Variants in DCN observed in about 807,000 individuals in gnomAD.
DCN encodes bone proteoglycan II.
In DCN, 17 loss-of-function variants were observed where a neutral mutation model predicts 36.5. The observed-to-expected ratio is 0.47, with a 90% CI of 0.32 to 0.70. The LOEUF (loss-of-function observed/expected upper bound fraction) is 0.70. Among genes scored for constraint, DCN ranks in the 30% least tolerant of loss-of-function variants. The pLI is 0.04. For missense variants in DCN, 389 were observed against 430.1 expected, an observed-to-expected ratio of 0.90 and a Z score of 0.84; for synonymous variants, 163 against 161.4, an observed-to-expected ratio of 1.01 and a Z score of -0.07.
Position 91,145,979 on chromosome 12 carries a change from T to G in DCN, c.*79A>C, listed in dbSNP as rs1471506424. The stretch of plus-strand genomic sequence containing the variant: ...ATCCACATTGCAGTTAGGTTTCCAG[T>G]ATCTAGCTTTTATTTATTTTTTAGC... On this transcript the variant is annotated 3_prime_UTR_variant, in exon 8 of 8. Transcript: ENST00000052754. 8.2e-7 allele frequency: 1 copy of G among 1,225,678 alleles called. No homozygotes were observed. The highest frequency in any genetic ancestry group is 1.5e-5 in the African/African-American group (1 of 67,074). 75.9% of individuals were successfully genotyped at this position (1,225,678 alleles called of 1,614,324 possible).
chr12:91,159,836 TAAAA>T (rs1193028173), intron 3 of DCN, among the ~76,000 whole-genome samples: 1 of 152,082 alleles, frequency 6.6e-6, no homozygotes, highest in Non-Finnish European at 1.5e-5. Flanking sequence ...ATAAGGAACT[TAAAA>T]TAACTTATTA....
At chr12:91,151,439 C>A in intron 7 of DCN, 1 of 558,278 alleles carries the variant, frequency 1.8e-6, no homozygotes. Context: ...GTTTCATCTC[C>A]ATACTTCTAA....
chr12:91,170,335 A>AC (rs1361032243), intron 2 of DCN, among the ~76,000 whole-genome samples: 16 of 152,148 alleles, frequency 1.1e-4, no homozygotes, highest in African/African-American at 3.6e-4. Flanking sequence ...ATTACTATGC[A>AC]TATTATCCTA....
chr12:91,158,594 C>A, intron 3 of DCN, 85 bp from the exon 4 acceptor site: 1 of 798,732 alleles, frequency 1.3e-6, no homozygotes. Context: ...TCATTCCATT[C>A]ATAGGGATAG....
chr12:91,155,062 C>T (rs574293678), intron 5 of DCN, among the ~76,000 whole-genome samples: 2 of 152,162 alleles, frequency 1.3e-5, no homozygotes, highest in African/African-American at 4.8e-5. Context: ...GCATAGGTAT[C>T]CCAGCCTAAG....
intron 2 of DCN, among the ~76,000 whole-genome samples, chr12:91,174,268 G>A (rs780430982): frequency 1.3e-5 from 2 of 152,040 alleles, no homozygotes; most frequent in Non-Finnish European, 2.9e-5. Context: ...CCTCTTTAGA[G>A]AGGTGGAGAG....
chr12:91,171,314 A>G (rs568224754), intron 2 of DCN, among the ~76,000 whole-genome samples: 3 of 152,334 alleles, frequency 2.0e-5, no homozygotes, highest in South Asian at 2.1e-4. Context: ...TACATAATAC[A>G]TAATTATGCT....
chr12:91,151,589 C>T lies in DCN; in HGVS notation c.885+65G>A, dbSNP rs1192959386. 1.1e-5 allele frequency: 17 copies of T among 1,596,744 alleles called. No individual in the cohort carries two copies. In the East Asian group the frequency reaches 2.9e-4, roughly 27 times the overall value. On this transcript the variant is annotated intron_variant, in intron 7 of 7. Coordinates refer to ENST00000052754, the MANE Select transcript of DCN (RefSeq NM_001920.5). The stretch of plus-strand genomic sequence containing the variant: ...AGAAGAGCTTCCTGCTTCCCAGCAT[C>T]CCATAAGCAGGGTGGGGGTCTTGCT...
At chr12:91,148,114 T>C (rs1881150863) in intron 7 of DCN, among the ~76,000 whole-genome samples, 1 of 151,188 alleles carries the variant, frequency 6.6e-6, no homozygotes, top group Admixed American at 6.6e-5. Flanking sequence ...CGCGCTGTTA[T>C]CCAGGCTGAA....
intron 5 of DCN, among the ~76,000 whole-genome samples, chr12:91,154,039 C>T (rs1458364061): frequency 6.6e-6 from 1 of 151,942 alleles, no homozygotes; most frequent in Non-Finnish European, 1.5e-5. Flanking sequence ...GAGAAAATAG[C>T]AAATTGGTTA....
chr12:91,152,977 CA>C, intron 6 of DCN, 118 bp downstream of exon 6: 1 of 689,094 alleles, frequency 1.5e-6, no homozygotes, highest in Non-Finnish European at 2.7e-6. Context: ...ATAGAAACAA[CA>C]ACAGCAGTGA....
At chr12:91,151,517 T>C in intron 7 of DCN, 137 bp downstream of exon 7, 1 of 895,088 alleles carries the variant, frequency 1.1e-6, no homozygotes, top group Non-Finnish European at 1.8e-6. Context: ...TTTATGGTAT[T>C]TTGTCATAGA....
intron 5 of DCN, among the ~76,000 whole-genome samples, chr12:91,156,634 C>G (rs1881791874): frequency 6.6e-6 from 1 of 151,830 alleles, no homozygotes; most frequent in African/African-American, 2.4e-5. Flanking sequence ...AAAAAAAATT[C>G]CCTAAGCTAT....
chr12:91,153,919 T>C (rs3138257), intron 5 of DCN, among the ~76,000 whole-genome samples: 2,590 of 152,212 alleles, frequency 0.017, 68 homozygotes, highest in African/African-American at 0.058. Flanking sequence ...GTATTATAAA[T>C]ATAAAAGTTT....
At chr12:91,147,238 A>G (rs1881084515) in intron 7 of DCN, among the ~76,000 whole-genome samples, 1 of 152,182 alleles carries the variant, frequency 6.6e-6, no homozygotes, top group Non-Finnish European at 1.5e-5. Flanking sequence ...ACAAAGCATG[A>G]TCTCTTCTTA....
At chr12:91,155,079 G>A (rs1881674682) in intron 5 of DCN, among the ~76,000 whole-genome samples, 1 of 152,102 alleles carries the variant, frequency 6.6e-6, no homozygotes, top group South Asian at 2.1e-4. Context: ...TAAGCAAGGT[G>A]GAATCATGTA....
In DCN at chr12:91,151,699, CTTG is replaced by C; in HGVS notation, c.837_839del (p.Asn279del). The C allele has an allele frequency of 1.2e-6, 2 of 1,614,086 alleles. No individual in the cohort carries two copies. Among genetic ancestry groups the C allele is most frequent in the Non-Finnish European group, 1.7e-6 (2 of 1,179,974 alleles). On this transcript the variant is annotated inframe_deletion, in exon 7 of 8. Transcript: ENST00000052754. ...CCAGCCCACCAGGTACTCTGGTAAGCTTGTTGTTGTCCAAGTGAAGCTCCCTCA... is the reference window on the plus strand; with the variant it reads ...CCAGCCCACCAGGTACTCTGGTAAGCTTGTTGTCCAAGTGAAGCTCCCTCA...
At chr12:91,152,220 A>T (rs1368707423) in intron 6 of DCN, among the ~76,000 whole-genome samples, 1 of 152,184 alleles carries the variant, frequency 6.6e-6, no homozygotes, top group East Asian at 1.9e-4. Context: ...TGAGGGACAG[A>T]GGTCTCATGG....
At chr12:91,182,817 T>TA (rs1868459436), upstream of DCN, 2 of 152,048 alleles carry the variant, frequency 1.3e-5, no homozygotes, top group Admixed American at 6.6e-5. Context: ...ATAGCACAGT[T>TA]AAAAAATAAG....
Sources: allele counts gnomAD v4.1 joint callset (sites outside exome capture counted in the v4.1 genomes callset), GRCh38; gene constraint gnomAD v4.1.1; transcripts MANE v1.5; gene names NCBI Gene and HGNC (gene_info 2026-07-23, HGNC 2026-07-21).